KIAA1958: variants seen among roughly 807,000 people sequenced by gnomAD.
KIAA1958 encodes the protein uncharacterized protein KIAA1958.
KIAA1958 carries 14 observed loss-of-function variants against 47.2 expected under a neutral mutation model. That is an observed-to-expected ratio of 0.30 (90% CI 0.20 to 0.46). The LOEUF (loss-of-function observed/expected upper bound fraction) is 0.46. KIAA1958 is among the 20% of genes least tolerant of loss of function. The pLI, the probability that KIAA1958 is intolerant of heterozygous loss-of-function variation, is 1.00. For missense variants in KIAA1958, 803 were observed against 909.2 expected (o/e 0.88, Z 1.50); for synonymous variants, 354 against 353.3 (o/e 1.00, Z -0.02).
At chr9:112,638,632 G>T (rs888552474) in intron 2 of KIAA1958, among the ~76,000 whole-genome samples, 1 of 152,126 alleles carries the variant, frequency 6.6e-6, no homozygotes, top group African/African-American at 2.4e-5. Context: ...GGAATCTGTA[G>T]ACTGAGGTAT....
chr9:112,640,859 A>G (rs1025927674), intron 2 of KIAA1958, among the ~76,000 whole-genome samples: 7 of 152,190 alleles, frequency 4.6e-5, no homozygotes, highest in African/African-American at 1.7e-4. Flanking sequence ...AGTTTTCTAT[A>G]CATCATGGCT....
chr9:112,547,078 G>A (rs1251239065), intron 1 of KIAA1958, among the ~76,000 whole-genome samples: 1 of 151,830 alleles, frequency 6.6e-6, no homozygotes, highest in African/African-American at 2.4e-5. Context: ...GACCACAGGC[G>A]CATGCCACCA....
intron 1 of KIAA1958, among the ~76,000 whole-genome samples, chr9:112,563,063 CTG>C (rs756181448): frequency 8.2e-5 from 6 of 73,130 alleles, no homozygotes; most frequent in South Asian, 5.3e-4. Flanking sequence ...CTCTCTGTCT[CTG>C]TCTCTCTCTC....
chr9:112,646,530 C>G (rs1836978023), intron 3 of KIAA1958, among the ~76,000 whole-genome samples: 1 of 152,144 alleles, frequency 6.6e-6, no homozygotes, highest in Non-Finnish European at 1.5e-5. Flanking sequence ...AGTTAATGTC[C>G]TTGGTCCTCC....
intron 2 of KIAA1958, among the ~76,000 whole-genome samples, chr9:112,640,971 C>T (rs1801611485): frequency 6.6e-6 from 1 of 152,030 alleles, no homozygotes; most frequent in South Asian, 2.1e-4. Context: ...CATTATGCTT[C>T]ATCTATTTCA....
At chr9:112,639,134 C>G (rs990398424) in intron 2 of KIAA1958, among the ~76,000 whole-genome samples, 7 of 152,146 alleles carry the variant, frequency 4.6e-5, no homozygotes, top group African/African-American at 1.7e-4. Context: ...AACCCTGATG[C>G]ATTCTTTCCC....
chr9:112,586,211 A>G (rs901584060), intron 2 of KIAA1958, among the ~76,000 whole-genome samples: 12 of 152,364 alleles, frequency 7.9e-5, no homozygotes, highest in East Asian at 7.7e-4. Flanking sequence ...TAAATGAACA[A>G]TTAAGCCACT....
intron 1 of KIAA1958, among the ~76,000 whole-genome samples, chr9:112,558,540 A>T (rs1345159526): frequency 6.6e-6 from 1 of 152,174 alleles, no homozygotes; most frequent in African/African-American, 2.4e-5. Context: ...TATGGCCCCA[A>T]ATTGGGAGGC....
intron 2 of KIAA1958, among the ~76,000 whole-genome samples, chr9:112,598,949 G>A (rs1836081950): frequency 6.6e-6 from 1 of 152,032 alleles, no homozygotes; most frequent in Non-Finnish European, 1.5e-5. Context: ...GGGTGCAGTA[G>A]CGTGTGCCTG....
At position 112,660,331 on chromosome 9, in the gene KIAA1958, A is replaced by G; in HGVS notation, c.*262A>G. 2.2e-6 allele frequency: 1 copy of G among 459,242 alleles called. No individual in the cohort carries two copies. The highest frequency in any genetic ancestry group is 3.9e-6 in the Non-Finnish European group (1 of 257,152). 28.4% of individuals were successfully genotyped at this position (459,242 alleles called of 1,614,324 possible). On this transcript the variant is annotated 3_prime_UTR_variant, in exon 4 of 4. Coordinates refer to ENST00000337530, the MANE Select transcript of KIAA1958 (RefSeq NM_133465.4). ...ATCTAACACAATGTATAATTGTTAC[A>G]TACAAGAGTGAGGAAATTCATTTTC...
At chr9:112,640,642 A>G (rs918155657) in intron 2 of KIAA1958, among the ~76,000 whole-genome samples, 3 of 152,104 alleles carry the variant, frequency 2.0e-5, no homozygotes, top group African/African-American at 4.8e-5. Context: ...CAGCTCTGCA[A>G]ATGCCTTAAG....
chr9:112,545,931 C>T (rs538480093), intron 1 of KIAA1958, among the ~76,000 whole-genome samples: 209 of 143,038 alleles, frequency 1.5e-3, no homozygotes, highest in African/African-American at 5.0e-3. Flanking sequence ...AATACATAAA[C>T]TTGTCAGATG....
intron 1 of KIAA1958, among the ~76,000 whole-genome samples, chr9:112,570,523 C>T (rs74649160): frequency 6.6e-6 from 1 of 152,214 alleles, no homozygotes; most frequent in Non-Finnish European, 1.5e-5. Context: ...GCTTGTGCAG[C>T]ACCAATAATA....
chr9:112,627,381 C>T (rs1836635016), intron 2 of KIAA1958, among the ~76,000 whole-genome samples: 1 of 152,112 alleles, frequency 6.6e-6, no homozygotes, highest in South Asian at 2.1e-4. Context: ...TTAGGCTGAA[C>T]AGTGTAATAG....
intron 2 of KIAA1958, among the ~76,000 whole-genome samples, chr9:112,584,438 T>G (rs1232666033): frequency 6.6e-6 from 1 of 152,230 alleles, no homozygotes; most frequent in African/African-American, 2.4e-5. Context: ...TTGTGGAATA[T>G]TTACGAAGGC....
At position 112,659,313 on chromosome 9, in the gene KIAA1958, C is replaced by G; in HGVS notation, c.1395C>G (p.Val465=). 2 of 1,614,000 alleles carry G rather than the reference C, an allele frequency of 1.2e-6. No homozygotes were observed. The highest frequency in any genetic ancestry group is 8.5e-7 in the Non-Finnish European group (1 of 1,180,024). The change falls in exon 4 of 4, where the codon GTC becomes GTG. Residue 465 remains valine, a synonymous_variant. Coordinates refer to ENST00000337530, the MANE Select transcript of KIAA1958 (RefSeq NM_133465.4). ...TGCTCGAGAACTTTTATGTCACCGTCAAGAAGAGCGACGGCTCGGACTTCC... is the reference window on the plus strand; with the variant it reads ...TGCTCGAGAACTTTTATGTCACCGTGAAGAAGAGCGACGGCTCGGACTTCC... ...NELLENFYVT[V]KKSDGSDFLA... is the part of the protein sequence containing the mutation.
intron 2 of KIAA1958, among the ~76,000 whole-genome samples, chr9:112,638,983 A>C (rs1836853418): frequency 6.6e-6 from 1 of 152,222 alleles, no homozygotes; most frequent in Admixed American, 6.5e-5. Flanking sequence ...TGTATTACAG[A>C]GAACATTTTT....
At chr9:112,610,040 C>A (rs985308118) in intron 2 of KIAA1958, among the ~76,000 whole-genome samples, 1 of 151,904 alleles carries the variant, frequency 6.6e-6, no homozygotes, top group African/African-American at 2.4e-5. Flanking sequence ...CACAATGAAG[C>A]AAAATTAGAC....
chr9:112,501,705 A>G (rs1370697342), intron 1 of KIAA1958, among the ~76,000 whole-genome samples: 1 of 152,210 alleles, frequency 6.6e-6, no homozygotes, highest in Admixed American at 6.5e-5. Context: ...GACTGCACAG[A>G]AGAGCCAAGA....
Sources: allele counts gnomAD v4.1 joint callset (sites outside exome capture counted in the v4.1 genomes callset), GRCh38; gene constraint gnomAD v4.1.1; transcripts MANE v1.5; gene names NCBI Gene and HGNC (gene_info 2026-07-23, HGNC 2026-07-21).